The following EPHA6 variants were observed in gnomAD, a reference collection of about 807,000 sequenced individuals.
EPHA6 encodes the protein EPH receptor A6.
In EPHA6, 50 loss-of-function variants were observed where a neutral mutation model predicts 112.0. The ratio of observed to expected loss-of-function variants is 0.45; its 90% CI spans 0.36 to 0.56. The LOEUF (loss-of-function observed/expected upper bound fraction) is 0.56, where lower values mean the gene tolerates loss of function less well. Ranked by LOEUF, EPHA6 falls within the 20% of genes least tolerant of loss-of-function variation. The pLI is 0.00. For missense variants in EPHA6, 1,280 were observed against 1,417.4 expected, an observed-to-expected ratio of 0.90 and a Z score of 1.56; for synonymous variants, 529 against 490.7, an observed-to-expected ratio of 1.08 and a Z score of -1.03.
chr3:97,268,996 C>T (rs890885888), intron 5 of EPHA6, among the ~76,000 whole-genome samples: 1 of 152,042 alleles, frequency 6.6e-6, no homozygotes, highest in Non-Finnish European at 1.5e-5. Context: ...GGAGAACATT[C>T]CCTTTAGGAT....
At chr3:97,324,861 A>T (rs1353952216) in intron 5 of EPHA6, among the ~76,000 whole-genome samples, 2 of 152,054 alleles carry the variant, frequency 1.3e-5, no homozygotes, top group Non-Finnish European at 2.9e-5. Context: ...TTTTTTAAAG[A>T]AAAATATATG....
chr3:97,354,204 A>G (rs1252675613), intron 5 of EPHA6, among the ~76,000 whole-genome samples: 1 of 152,142 alleles, frequency 6.6e-6, no homozygotes, highest in Non-Finnish European at 1.5e-5. Context: ...TGAAGACTAT[A>G]ATAATACCTA....
At position 97,152,537 on chromosome 3, in the gene EPHA6, AT is replaced by A. The variant is rs751437872; in HGVS notation, c.1115-73725del. ...ATGCATAGAGGAGCAAAATTAAATT[AT>A]TGTCATTATCTCTGGTTTCTACTAA... On this transcript the variant is annotated intron_variant, in intron 3 of 17. Transcript: ENST00000389672. 7.2e-5 allele frequency among the ~76,000 whole-genome samples: 11 copies of A among 151,856 alleles called. No homozygotes were observed. In the South Asian group the frequency reaches 2.3e-3, roughly 31 times the overall value.
intron 3 of EPHA6, among the ~76,000 whole-genome samples, chr3:97,218,135 G>A (rs2078085093): frequency 6.6e-6 from 1 of 152,042 alleles, no homozygotes; most frequent in Non-Finnish European, 1.5e-5. Context: ...AGCTGGCATG[G>A]TGGTGCATGC....
At chr3:97,473,554 T>G (rs1249575363) in intron 7 of EPHA6, among the ~76,000 whole-genome samples, 1 of 151,924 alleles carries the variant, frequency 6.6e-6, no homozygotes, top group Non-Finnish European at 1.5e-5. Context: ...TATATGCCCC[T>G]GATTCAAAAT....
intron 11 of EPHA6, among the ~76,000 whole-genome samples, chr3:97,549,677 G>T (rs1041426697): frequency 6.6e-6 from 1 of 152,082 alleles, no homozygotes; most frequent in African/African-American, 2.4e-5. Flanking sequence ...GGGCATTGTG[G>T]CACACACCTG....
At chr3:97,249,843 T>C (rs924909955) in intron 5 of EPHA6, among the ~76,000 whole-genome samples, 4 of 152,222 alleles carry the variant, frequency 2.6e-5, no homozygotes, top group African/African-American at 9.6e-5. Context: ...ATTTATTGAC[T>C]GTTTAGCTTC....
chr3:96,942,323 C>T (rs1283041562), intron 2 of EPHA6, among the ~76,000 whole-genome samples: 1 of 152,196 alleles, frequency 6.6e-6, no homozygotes, highest in Non-Finnish European at 1.5e-5. Flanking sequence ...GGCAGGCACC[C>T]CTCCCCCAGC....
At chr3:97,474,211 G>A (rs2091306398) in intron 7 of EPHA6, among the ~76,000 whole-genome samples, 1 of 151,726 alleles carries the variant, frequency 6.6e-6, no homozygotes, top group South Asian at 2.1e-4. Flanking sequence ...AAATACTCAA[G>A]TTTAATAAAT....
At chr3:97,451,860 G>A (rs1283944082) in intron 7 of EPHA6, among the ~76,000 whole-genome samples, 3 of 151,720 alleles carry the variant, frequency 2.0e-5, no homozygotes, top group Non-Finnish European at 4.4e-5. Flanking sequence ...GTTCTCTCTT[G>A]TGTATTCCAC....
chr3:97,514,339 C>T (rs2092413701), intron 10 of EPHA6, among the ~76,000 whole-genome samples: 1 of 152,196 alleles, frequency 6.6e-6, no homozygotes, highest in Non-Finnish European at 1.5e-5. Context: ...CTCCCACCTC[C>T]TTCTCTGTGT....
At chr3:97,203,918 G>A (rs1032177487) in intron 3 of EPHA6, among the ~76,000 whole-genome samples, 2 of 152,066 alleles carry the variant, frequency 1.3e-5, no homozygotes, top group Non-Finnish European at 2.9e-5. Flanking sequence ...CACCAGCGTG[G>A]CACATGTATA....
At chr3:97,384,118 T>C (rs1209624824) in intron 5 of EPHA6, among the ~76,000 whole-genome samples, 1 of 152,170 alleles carries the variant, frequency 6.6e-6, no homozygotes, top group Non-Finnish European at 1.5e-5. Context: ...TTTATGACTA[T>C]TATAATGTTT....
At chr3:97,124,912 C>G (rs1411712893) in intron 3 of EPHA6, among the ~76,000 whole-genome samples, 7 of 151,964 alleles carry the variant, frequency 4.6e-5, no homozygotes, top group Non-Finnish European at 7.3e-5. Context: ...AGTTCCAGAT[C>G]TATCTTTTGA....
intron 2 of EPHA6, among the ~76,000 whole-genome samples, chr3:96,911,669 A>G (rs1350118591): frequency 6.6e-6 from 1 of 152,052 alleles, no homozygotes; most frequent in African/African-American, 2.4e-5. Context: ...AACTTTCGAT[A>G]TGTTTTAAAT....
At position 97,312,379 on chromosome 3, in the gene EPHA6, T is replaced by TTAA. The variant is rs544347235; in HGVS notation, c.1606+68093_1606+68095dup. On this transcript the variant is annotated intron_variant, in intron 5 of 17. Transcript: ENST00000389672. ...GATTTGCGTGGAGTGGAGAACACGA[T>TTAA]TAAGTATGATACAGGTTGAGCATTT... Among the ~76,000 whole-genome samples, 926 of 151,694 alleles carry TTAA rather than the reference T, an allele frequency of 6.1e-3. 7 individuals are homozygous for TTAA. Among genetic ancestry groups the TTAA allele is most frequent in the Non-Finnish European group, 0.01 (688 of 67,658 alleles).
At chr3:96,839,883 C>A (rs1265860660) in intron 1 of EPHA6, among the ~76,000 whole-genome samples, 1 of 151,800 alleles carries the variant, frequency 6.6e-6, no homozygotes, top group African/African-American at 2.4e-5. Flanking sequence ...ATTAAGTAAT[C>A]CAGTTAAAAA....
intron 1 of EPHA6, among the ~76,000 whole-genome samples, chr3:96,850,474 C>T (rs1040707512): frequency 3.3e-5 from 5 of 152,006 alleles, no homozygotes; most frequent in Admixed American, 1.3e-4. Context: ...GATCTTAAGA[C>T]GTGAGGAAGA....
intron 5 of EPHA6, among the ~76,000 whole-genome samples, chr3:97,316,814 T>G (rs1419446685): frequency 2.0e-5 from 3 of 151,508 alleles, no homozygotes; most frequent in Non-Finnish European, 4.4e-5. Context: ...TCAGTAAAGC[T>G]TTCATTAAAG....
Sources: allele counts gnomAD v4.1 joint callset (sites outside exome capture counted in the v4.1 genomes callset), GRCh38; gene constraint gnomAD v4.1.1; transcripts MANE v1.5; gene names NCBI Gene and HGNC (gene_info 2026-07-23, HGNC 2026-07-21).